ERMAP: variants seen among roughly 807,000 people sequenced by gnomAD.
ERMAP encodes the protein erythroid membrane-associated protein.
Under a neutral mutation model 49.5 loss-of-function variants are expected in ERMAP, and 34 were observed. The observed-to-expected ratio is 0.69, with a 90% CI of 0.52 to 0.91. The LOEUF is 0.91. Ranked by LOEUF, ERMAP falls within the 40% of genes least tolerant of loss-of-function variation. The pLI, the probability that ERMAP is intolerant of heterozygous loss-of-function variation, is 0.00. For missense variants in ERMAP, 541 were observed against 582.6 expected (o/e 0.93, Z 0.74); for synonymous variants, 214 against 232.2 (o/e 0.92, Z 0.71).
rs753298061 is a variant in ERMAP at position 42,830,766 on chromosome 1, A to G, written c.86-2A>G. The stretch of plus-strand genomic sequence containing the variant: ...GTTGGCCTTGTCTCTTTTTTTGTCC[A>G]GGCCACGCAGGGGATGCCGGCAAGT... On this transcript the variant is annotated splice_acceptor_variant, in intron 3 of 11. Coordinates refer to ENST00000372517, the MANE Select transcript of ERMAP (RefSeq NM_001017922.2). LOFTEE classifies it high-confidence loss of function. 8.5e-6 allele frequency: 13 copies of G among 1,525,240 alleles called. No homozygotes were observed. Among genetic ancestry groups the G allele is most frequent in the Non-Finnish European group, 1.1e-5 (12 of 1,136,160 alleles). 94.5% of individuals were successfully genotyped at this position (1,525,240 alleles called of 1,614,324 possible).
rs970599819 is a variant in ERMAP at position 42,842,718 on chromosome 1, G to A, written c.914G>A (p.Trp305Ter). Residue 305 changes from tryptophan to a stop codon, truncating the protein, a stop_gained, in exon 12 of 12, where the codon TGG becomes TAG. Transcript: ENST00000372517. LOFTEE classifies it high-confidence loss of function. ...WEVYVGDKTK[W>*]ILGVCSESVS... is the part of the protein sequence containing the mutation. ...GTGTATGTGGGAGACAAGACCAAAT[G>A]GATTCTTGGAGTATGTAGTGAGTCA... 1.9e-6 allele frequency: 3 copies of A among 1,614,150 alleles called. No homozygotes were observed. The highest frequency in any genetic ancestry group is 2.2e-5 in the East Asian group (1 of 44,884).
chr1:42,835,487 C>T (rs1440353745), intron 5 of ERMAP, among the ~76,000 whole-genome samples: 4 of 152,308 alleles, frequency 2.6e-5, no homozygotes, highest in South Asian at 2.1e-4. Flanking sequence ...ATAAGACTCT[C>T]ATAAAAAATG....
intron 2 of ERMAP, among the ~76,000 whole-genome samples, chr1:42,826,084 G>C (rs953199895): frequency 3.3e-5 from 5 of 152,194 alleles, no homozygotes; most frequent in African/African-American, 1.2e-4. Flanking sequence ...ACTGTCAAGA[G>C]AACATCTGTT....
At chr1:42,824,889 G>C (rs1436637381) in intron 1 of ERMAP, 1 of 152,228 alleles carries the variant, frequency 6.6e-6, no homozygotes, top group African/African-American at 2.4e-5. Flanking sequence ...GCAGAAAAAT[G>C]CCATGGCCTA....
At chr1:42,834,858 G>T in intron 4 of ERMAP, 180 bp from the exon 5 acceptor site, 2 of 569,502 alleles carry the variant, frequency 3.5e-6, no homozygotes, top group Non-Finnish European at 6.3e-6. Context: ...CCCAGCCTCA[G>T]TTATCTTTAA....
chr1:42,830,570 T>C (rs1654691681), intron 3 of ERMAP, 37 bp downstream of exon 3: 3 of 1,594,608 alleles, frequency 1.9e-6, no homozygotes, highest in East Asian at 4.5e-5. Context: ...GCCTGGTACA[T>C]GTGATATTGG....
intron 11 of ERMAP, among the ~76,000 whole-genome samples, chr1:42,841,679 T>C (rs1460202865): frequency 6.6e-6 from 1 of 152,242 alleles, no homozygotes; most frequent in Non-Finnish European, 1.5e-5. Flanking sequence ...ATTTCCATTT[T>C]ACAGATGAGG....
chr1:42,818,494 A>G (rs974401282), intron 1 of ERMAP, among the ~76,000 whole-genome samples: 1 of 152,214 alleles, frequency 6.6e-6, no homozygotes, highest in Non-Finnish European at 1.5e-5. Flanking sequence ...TTTTTAAAAA[A>G]TAGATGGGGT....
At chr1:42,837,384 G>C (rs559216922) in intron 7 of ERMAP, among the ~76,000 whole-genome samples, 194 bp downstream of exon 7, 1 of 152,276 alleles carries the variant, frequency 6.6e-6, no homozygotes, top group South Asian at 2.1e-4. Context: ...AGTGGGTAAG[G>C]AGGTGCCCAG....
Position 42,835,198 on chromosome 1 carries a change from T to G in ERMAP, c.550+44T>G, listed in dbSNP as rs560632651. 7.1e-6 allele frequency: 6 copies of G among 847,896 alleles called. No individual in the cohort carries two copies. The East Asian group carries it at 1.4e-4, about 20-fold the overall frequency. The allele number at this position is 847,896 out of a possible 1,614,324, so 52.5% of individuals were successfully genotyped here. On this transcript the variant is annotated intron_variant, in intron 5 of 11. Transcript: ENST00000372517. ...AGCTCAGGCTGGTGGGAAGTGGGAC[T>G]ATGACTGCTCTGGGAAAGGGCCAGA...
chr1:42,821,112 C>T (rs1048570931), intron 1 of ERMAP, among the ~76,000 whole-genome samples: 2 of 152,186 alleles, frequency 1.3e-5, no homozygotes, highest in Non-Finnish European at 2.9e-5. Flanking sequence ...TTTCCTAGCT[C>T]TATTACTAGT....
At chr1:42,827,438 G>A (rs1654586980) in intron 2 of ERMAP, among the ~76,000 whole-genome samples, 2 of 152,190 alleles carry the variant, frequency 1.3e-5, no homozygotes, top group Admixed American at 1.3e-4. Flanking sequence ...ACCTCAAAGT[G>A]CTGGGATTAC....
rs1391214260 is a variant in ERMAP at position 42,843,901 on chromosome 1, T to C, written c.*669T>C. 2 of 396,690 alleles carry C rather than the reference T, an allele frequency of 5.0e-6. No individual in the cohort carries two copies. The highest frequency in any genetic ancestry group is 8.9e-6 in the Non-Finnish European group (2 of 225,398). The allele number at this position is 396,690 out of a possible 1,614,324, so 24.6% of individuals were successfully genotyped here. A position where few individuals can be genotyped will look rare whatever the true frequency, so the allele number is the denominator to read the frequency against. ...GGTAACTAGGTACAGCGACTTTAAA[T>C]ACAGTTGCTATAATCCTGAAAAGCC... On this transcript the variant is annotated 3_prime_UTR_variant, in exon 12 of 12. Transcript: ENST00000372517.
chr1:42,836,914 A>C, intron 6 of ERMAP: 1 of 382,770 alleles, frequency 2.6e-6, no homozygotes, highest in Non-Finnish European at 4.7e-6. Flanking sequence ...AAAAAAAAAA[A>C]AAAAACTAAA....
At chr1:42,831,699 T>G (rs1654747361) in intron 4 of ERMAP, among the ~76,000 whole-genome samples, 1 of 149,746 alleles carries the variant, frequency 6.7e-6, no homozygotes. Context: ...TCCTGCCACC[T>G]CAGCCTCCCA....
At chr1:42,842,085 C>T (rs1048616894) in intron 11 of ERMAP, 6 of 170,162 alleles carry the variant, frequency 3.5e-5, no homozygotes, top group Admixed American at 5.7e-5. Flanking sequence ...CCTGCTTTAT[C>T]ATAACCTGCT....
At chr1:42,831,165 C>T (rs186792314) in intron 4 of ERMAP, 50 bp downstream of exon 4, 1 of 1,576,854 alleles carries the variant, frequency 6.3e-7, no homozygotes, top group Non-Finnish European at 8.6e-7. Flanking sequence ...ATTGGACAAG[C>T]TTAATCAGGA....
chr1:42,817,299 C>T (rs938176621), intron 1 of ERMAP, 46 bp downstream of exon 1: 4 of 1,198,198 alleles, frequency 3.3e-6, no homozygotes, highest in Non-Finnish European at 4.3e-6. Context: ...GCTGCCTGCC[C>T]ACCGCCCCTC....
At chr1:42,835,230 T>G (rs927762546) in intron 5 of ERMAP, 76 bp downstream of exon 5, 15 of 778,948 alleles carry the variant, frequency 1.9e-5, no homozygotes, top group Non-Finnish European at 3.3e-5. Flanking sequence ...CAGACGGAAG[T>G]AGATGTAGAC....
Sources: gnomAD v4.1 joint callset for allele counts (sites outside exome capture counted in the v4.1 genomes callset) on GRCh38, gnomAD v4.1.1 for gene constraint, MANE v1.5 for transcripts, NCBI Gene and HGNC (gene_info 2026-07-23, HGNC 2026-07-21) for gene names.